SLC22A3: variants seen among roughly 807,000 people sequenced by gnomAD.
SLC22A3 encodes the protein EMT organic cation transporter 3.
SLC22A3 carries 51 observed loss-of-function variants against 59.1 expected under a neutral mutation model. That is an observed-to-expected ratio of 0.86 (90% CI 0.69 to 1.09). The LOEUF (loss-of-function observed/expected upper bound fraction) is 1.09, where lower values mean the gene tolerates loss of function less well. Ranked by LOEUF, SLC22A3 falls within the 50% of genes least tolerant of loss-of-function variation. The probability of loss-of-function intolerance (pLI) is 0.00; values close to 1 mark genes in which losing one functional copy is unlikely to be tolerated. For missense variants in SLC22A3, 711 were observed against 726.3 expected (o/e 0.98, Z 0.24); for synonymous variants, 325 against 292.0 (o/e 1.11, Z -1.15).
At chr6:160,397,485 C>A (rs1786528298) in intron 1 of SLC22A3, among the ~76,000 whole-genome samples, 1 of 151,964 alleles carries the variant, frequency 6.6e-6, no homozygotes. Context: ...CCTATAATCC[C>A]AGCACTTTGG....
rs147300270 is a variant in SLC22A3, at chr6:160,357,093, C to A, written c.429+8245C>A. The stretch of plus-strand genomic sequence containing the variant: ...GCCCTGTAGAGTCCAAGGAGGGGAG[C>A]TGTCCTTGACTGTGAGCATAGTGGA... On this transcript the variant is annotated intron_variant, in intron 1 of 10. Coordinates refer to ENST00000275300, the MANE Select transcript of SLC22A3 (RefSeq NM_021977.4). Among the ~76,000 whole-genome samples, 3 of 152,298 alleles carry A rather than the reference C, an allele frequency of 2.0e-5. No homozygotes were observed. The East Asian group carries it at 5.8e-4, about 29-fold the overall frequency.
In SLC22A3 at chr6:160,407,643, T is replaced by G. The variant is rs534929897; in HGVS notation, c.688+448T>G. Among the ~76,000 whole-genome samples, 257 of 152,298 alleles carry G rather than the reference T, an allele frequency of 1.7e-3. 3 individuals are homozygous for G. The highest frequency in any genetic ancestry group is 6.0e-3 in the African/African-American group (248 of 41,576). ...TCTGTACAAGTGGGAAACTTTTTAC[T>G]ATGGGAGAAATAGGTTCTAAAAATG... is the stretch of plus-strand genomic sequence containing the variant. On this transcript the variant is annotated intron_variant, in intron 3 of 10. Transcript: ENST00000275300.
At chr6:160,442,974 T>C (rs937314176) in intron 8 of SLC22A3, 105 bp downstream of exon 8, 1 of 863,570 alleles carries the variant, frequency 1.2e-6, no homozygotes, top group Non-Finnish European at 1.9e-6. Context: ...CTCAGTGATA[T>C]ATTAGCCTAG....
At chr6:160,431,662 T>G (rs76901568) in intron 5 of SLC22A3, among the ~76,000 whole-genome samples, 1 of 152,160 alleles carries the variant, frequency 6.6e-6, no homozygotes, top group Non-Finnish European at 1.5e-5. Context: ...TCTAAAAGTT[T>G]GAAATTAAGA....
chr6:160,446,631 G>A (rs1309940030), intron 9 of SLC22A3, among the ~76,000 whole-genome samples: 2 of 152,174 alleles, frequency 1.3e-5, no homozygotes, highest in Non-Finnish European at 2.9e-5. Context: ...CCCTCAACAT[G>A]TGGGGATTAC....
chr6:160,432,276 G>A (rs1274169650), intron 5 of SLC22A3, among the ~76,000 whole-genome samples: 1 of 152,084 alleles, frequency 6.6e-6, no homozygotes, highest in Non-Finnish European at 1.5e-5. Flanking sequence ...AGGAGACTCA[G>A]CTCCCACAAA....
chr6:160,412,033 C>T (rs930201255), intron 5 of SLC22A3, among the ~76,000 whole-genome samples: 15 of 152,070 alleles, frequency 9.9e-5, no homozygotes, highest in African/African-American at 3.6e-4. Flanking sequence ...AGTTTGATTT[C>T]ACAGGAACCT....
At chr6:160,371,070 T>C (rs1261412574) in intron 1 of SLC22A3, among the ~76,000 whole-genome samples, 1 of 152,212 alleles carries the variant, frequency 6.6e-6, no homozygotes, top group Admixed American at 6.5e-5. Flanking sequence ...CTATTTCACG[T>C]ATCACATCAC....
At position 160,451,935 on chromosome 6, in the gene SLC22A3, C is replaced by G. The variant is rs1788982161; in HGVS notation, c.*879C>G. On this transcript the variant is annotated 3_prime_UTR_variant, in exon 11 of 11. Transcript: ENST00000275300. ...TTTTCTTATATTTGTGAGTTCAGTTCCGATGGTGCCCGTGGTCAAAAGCGA... is the reference window on the plus strand; with the variant it reads ...TTTTCTTATATTTGTGAGTTCAGTTGCGATGGTGCCCGTGGTCAAAAGCGA... 1 of 152,152 alleles carries G rather than the reference C, an allele frequency of 6.6e-6. No individual in the cohort carries two copies. The highest frequency in any genetic ancestry group is 6.5e-5 in the Admixed American group (1 of 15,272). The allele number at this position is 152,152 out of a possible 1,614,324, so 9.4% of individuals were successfully genotyped here.
At chr6:160,411,601 G>A (rs1208728395) in intron 5 of SLC22A3, among the ~76,000 whole-genome samples, 1 of 152,106 alleles carries the variant, frequency 6.6e-6, no homozygotes, top group African/African-American at 2.4e-5. Flanking sequence ...AACTATGTGG[G>A]CATGGTGGCA....
intron 1 of SLC22A3, among the ~76,000 whole-genome samples, chr6:160,374,816 G>A (rs1337087339): frequency 6.6e-6 from 1 of 152,216 alleles, no homozygotes; most frequent in Non-Finnish European, 1.5e-5. Context: ...GGGCGTTCAG[G>A]CCTCTCCAGG....
intron 1 of SLC22A3, among the ~76,000 whole-genome samples, chr6:160,373,998 C>G (rs1444097889): frequency 6.6e-6 from 1 of 152,292 alleles, no homozygotes; most frequent in East Asian, 1.9e-4. Context: ...GCTTCAGCCC[C>G]CTTTCCAGGG....
chr6:160,408,761 A>G lies in SLC22A3; in HGVS notation c.697A>G (p.Ile233Val). 1 of 1,613,608 alleles carries G rather than the reference A, an allele frequency of 6.2e-7. No individual in the cohort carries two copies. Among genetic ancestry groups the G allele is most frequent in the African/African-American group, 1.3e-5 (1 of 75,004 alleles). The stretch of plus-strand genomic sequence containing the variant: ...TGTTTGTTTTCCTTTAGTGACAGAA[A>G]TAGTAGGTTCGAAACAAAGGAGGAT... ...WMTCYVIVTE[I>V]VGSKQRRIVG... Residue 233 changes from isoleucine to valine, a missense_variant, in exon 4 of 11, where the codon ATA becomes GTA. Physicochemically the swap from Ile to Val is conservative, Grantham distance 29 (BLOSUM62 3). Transcript: ENST00000275300.
Position 160,389,465 on chromosome 6 carries a change from A to G in SLC22A3, c.430-8514A>G, listed in dbSNP as rs453549. On this transcript the variant is annotated intron_variant, in intron 1 of 10. Transcript: ENST00000275300. Reference sequence around the variant, plus strand: ...CTGACAGGGTTCTGTTCTTGTTCACAGTGGGGAGGGTAATTCTCCAAAATT... The same window carrying G: ...CTGACAGGGTTCTGTTCTTGTTCACGGTGGGGAGGGTAATTCTCCAAAATT... Among the ~76,000 whole-genome samples, 391 of 152,296 alleles carry G rather than the reference A, an allele frequency of 2.6e-3. 11 individuals are homozygous for G. The East Asian group carries it at 0.062, about 24-fold the overall frequency.
intron 9 of SLC22A3, among the ~76,000 whole-genome samples, chr6:160,444,904 A>G (rs1788684990): frequency 6.6e-6 from 1 of 152,184 alleles, no homozygotes. Context: ...TGACCTCAAT[A>G]CAGGATCACC....
At chr6:160,411,933 G>A (rs964180783) in intron 5 of SLC22A3, among the ~76,000 whole-genome samples, 3 of 152,214 alleles carry the variant, frequency 2.0e-5, no homozygotes, top group African/African-American at 4.8e-5. Flanking sequence ...CAGAAAGGTT[G>A]TTATAAAAGG....
intron 2 of SLC22A3, among the ~76,000 whole-genome samples, chr6:160,403,834 TACAG>T (rs1786893290): frequency 6.6e-6 from 1 of 151,954 alleles, no homozygotes; most frequent in South Asian, 2.1e-4. Context: ...TATCAATAGA[TACAG>T]ACAAAGTATT....
At chr6:160,439,143 A>C (rs1266281394) in intron 7 of SLC22A3, among the ~76,000 whole-genome samples, 1 of 152,178 alleles carries the variant, frequency 6.6e-6, no homozygotes, top group East Asian at 1.9e-4. Flanking sequence ...ATTGCCAGCC[A>C]CTGAACTAGG....
chr6:160,422,970 T>C (rs1224281478), intron 5 of SLC22A3, among the ~76,000 whole-genome samples: 1 of 152,152 alleles, frequency 6.6e-6, no homozygotes, highest in Non-Finnish European at 1.5e-5. Context: ...TCCTAATGCT[T>C]TCCCTGCCCC....
Sources: gnomAD v4.1 joint callset for allele counts (sites outside exome capture counted in the v4.1 genomes callset) on GRCh38, gnomAD v4.1.1 for gene constraint, MANE v1.5 for transcripts, NCBI Gene and HGNC (gene_info 2026-07-23, HGNC 2026-07-21) for gene names.